TGFBRAP1: variants seen among roughly 807,000 people sequenced by gnomAD.
TGFBRAP1 encodes the protein transforming growth factor beta receptor associated protein 1, also known as transforming growth factor-beta receptor-associated protein 1.
In TGFBRAP1, 20 loss-of-function variants were observed where a neutral mutation model predicts 83.2. The ratio of observed to expected loss-of-function variants is 0.24; its 90% CI spans 0.17 to 0.35. The LOEUF is 0.35. Ranked by LOEUF, TGFBRAP1 falls within the 10% of genes least tolerant of loss-of-function variation. TGFBRAP1 has a pLI of 1.00. For synonymous variants in TGFBRAP1, 415 were observed against 459.8 expected, an observed-to-expected ratio of 0.90 and a Z score of 1.25; for missense variants, 950 against 1,099.4, an observed-to-expected ratio of 0.86 and a Z score of 1.92.
chr2:105,322,517 G>C (rs1573224772), intron 1 of TGFBRAP1, among the ~76,000 whole-genome samples: 2 of 152,066 alleles, frequency 1.3e-5, no homozygotes, highest in East Asian at 3.8e-4. Context: ...CATACAGGTG[G>C]ACCCTTTTTT....
At chr2:105,297,981 A>G (rs1307010465) in intron 3 of TGFBRAP1, among the ~76,000 whole-genome samples, 2 of 152,212 alleles carry the variant, frequency 1.3e-5, no homozygotes, top group African/African-American at 4.8e-5. Flanking sequence ...GGCTCACCAT[A>G]CACACGAAAT....
intron 2 of TGFBRAP1, among the ~76,000 whole-genome samples, chr2:105,303,569 C>T (rs1307656559): frequency 2.0e-5 from 3 of 152,194 alleles, no homozygotes; most frequent in East Asian, 1.9e-4. Flanking sequence ...TTTGCGTCCA[C>T]GAGTTTATAA....
rs1028479130 is a variant in TGFBRAP1, at chr2:105,329,652, G to C, written c.-45C>G. On this transcript the variant is annotated 5_prime_UTR_variant, in exon 1 of 12. Transcript: ENST00000393359. ...GCGCCGGCGCCCGCCGTCCCGCGCC[G>C]CCCCGCGGCCTGGGGCCCCGCCGCC... The C allele has an allele frequency of 6.8e-6, 1 of 146,422 alleles. No homozygotes were observed. Among genetic ancestry groups the C allele is most frequent in the Non-Finnish European group, 1.5e-5 (1 of 65,608 alleles). The allele number at this position is 146,422 out of a possible 1,614,324, so 9.1% of individuals were successfully genotyped here.
At chr2:105,277,923 G>A (rs1677403197) in intron 6 of TGFBRAP1, among the ~76,000 whole-genome samples, 1 of 152,106 alleles carries the variant, frequency 6.6e-6, no homozygotes, top group African/African-American at 2.4e-5. Flanking sequence ...AGCCAGGTGT[G>A]GGGCACACAT....
intron 4 of TGFBRAP1, among the ~76,000 whole-genome samples, chr2:105,288,703 T>C (rs1371626751): frequency 6.6e-6 from 1 of 152,194 alleles, no homozygotes; most frequent in East Asian, 1.9e-4. Flanking sequence ...TAAAAAACCA[T>C]GTAAGTTATT....
At position 105,277,343 on chromosome 2, in the gene TGFBRAP1, T is replaced by C. The variant is rs556732894; in HGVS notation, c.1521+271A>G. Among the ~76,000 whole-genome samples the C allele has an allele frequency of 5.3e-5, 8 of 151,796 alleles. No homozygotes were observed. In the East Asian group the frequency reaches 1.5e-3, roughly 29 times the overall value. On this transcript the variant is annotated intron_variant, in intron 7 of 11. Coordinates refer to ENST00000393359, the MANE Select transcript of TGFBRAP1 (RefSeq NM_004257.6). ...GTAGTGATATATTATGACTTGGAAC[T>C]CTGTGAGATCATATTTTCATTTCTT...
intron 1 of TGFBRAP1, among the ~76,000 whole-genome samples, chr2:105,326,373 T>C (rs571438088): frequency 5.7e-4 from 87 of 152,226 alleles, no homozygotes; most frequent in African/African-American, 2.0e-3. Flanking sequence ...AATATGGCAT[T>C]TACTTCATAA....
chr2:105,281,479 C>T (rs1677535543), intron 5 of TGFBRAP1, among the ~76,000 whole-genome samples: 1 of 152,272 alleles, frequency 6.6e-6, no homozygotes, highest in South Asian at 2.1e-4. Flanking sequence ...ATCCATGCTG[C>T]CTGCGATGTT....
chr2:105,329,529 C>G (rs1679309605), intron 1 of TGFBRAP1, 96 bp downstream of exon 1: 1 of 147,216 alleles, frequency 6.8e-6, no homozygotes, highest in Non-Finnish European at 1.5e-5. Context: ...CACCCCGCCC[C>G]GCCGCCTACC....
At chr2:105,326,834 G>A (rs1220941912) in intron 1 of TGFBRAP1, among the ~76,000 whole-genome samples, 1 of 152,116 alleles carries the variant, frequency 6.6e-6, no homozygotes, top group African/African-American at 2.4e-5. Flanking sequence ...TTTTTCAACA[G>A]CAGTTACTTG....
At chr2:105,292,004 T>C (rs1677932532) in intron 4 of TGFBRAP1, among the ~76,000 whole-genome samples, 1 of 152,202 alleles carries the variant, frequency 6.6e-6, no homozygotes, top group East Asian at 1.9e-4. Flanking sequence ...GAGTGGAGGA[T>C]TTTGTCTCCA....
At chr2:105,298,206 A>G (rs1678147600) in intron 3 of TGFBRAP1, among the ~76,000 whole-genome samples, 1 of 152,152 alleles carries the variant, frequency 6.6e-6, no homozygotes, top group Non-Finnish European at 1.5e-5. Flanking sequence ...ATGCATCCTT[A>G]AAGGTTTGGC....
intron 10 of TGFBRAP1, 149 bp downstream of exon 10, chr2:105,272,706 C>A: frequency 9.4e-7 from 1 of 1,069,200 alleles, no homozygotes; most frequent in Non-Finnish European, 1.3e-6. Flanking sequence ...ACCCTGTCTT[C>A]ATTTAAAAAA....
intron 3 of TGFBRAP1, among the ~76,000 whole-genome samples, chr2:105,297,647 AT>A (rs1349670329): frequency 6.6e-6 from 1 of 152,260 alleles, no homozygotes; most frequent in African/African-American, 2.4e-5. Context: ...GATAAAAGCC[AT>A]TCTTAGGTCA....
intron 5 of TGFBRAP1, among the ~76,000 whole-genome samples, chr2:105,281,379 T>C (rs1042787521): frequency 4.6e-5 from 7 of 152,166 alleles, no homozygotes; most frequent in African/African-American, 1.4e-4. Context: ...CCTGGCCCAG[T>C]GTCAGACCCA....
the TGFBRAP1 span, among the ~76,000 whole-genome samples, chr2:105,255,091 G>A: frequency 6.6e-6 from 1 of 152,190 alleles, no homozygotes; most frequent in Non-Finnish European, 1.5e-5. Flanking sequence ...CTTGTTGTGA[G>A]AAGTATATGA....
downstream of TGFBRAP1, among the ~76,000 whole-genome samples, chr2:105,262,763 G>C (rs946515938): frequency 1.3e-5 from 2 of 152,174 alleles, no homozygotes; most frequent in African/African-American, 4.8e-5. Flanking sequence ...TACGACTCTG[G>C]ACTGCAGGCT....
Position 105,267,309 on chromosome 2 carries a change from T to C in TGFBRAP1, c.*74A>G. The C allele has an allele frequency of 6.4e-7, 1 of 1,570,200 alleles. No homozygotes were observed. Among genetic ancestry groups the C allele is most frequent in the Non-Finnish European group, 8.7e-7 (1 of 1,154,462 alleles). On this transcript the variant is annotated 3_prime_UTR_variant, in exon 12 of 12. Transcript: ENST00000393359. ...TCGTCCTGGCTGACACAGAGCATGG[T>C]GGTCATCTGCTCTTCATGTCCAGCA...
At position 105,281,843 on chromosome 2, in the gene TGFBRAP1, G is replaced by A. The variant is rs1397548731; in HGVS notation, c.1122-1120C>T. On this transcript the variant is annotated intron_variant, in intron 5 of 11. Coordinates refer to ENST00000393359, the MANE Select transcript of TGFBRAP1 (RefSeq NM_004257.6). ...AATTTTGTTCCCTGGGGAACATGTGGCAATGCCTGGAGACAATTTTATCAT... is the reference window on the plus strand; with the variant it reads ...AATTTTGTTCCCTGGGGAACATGTGACAATGCCTGGAGACAATTTTATCAT... Among the ~76,000 whole-genome samples, 3 of 152,008 alleles carry A rather than the reference G, an allele frequency of 2.0e-5. No individual in the cohort carries two copies. In the East Asian group the frequency reaches 5.8e-4, roughly 29 times the overall value.
Sources: allele counts gnomAD v4.1 joint callset (sites outside exome capture counted in the v4.1 genomes callset), GRCh38; gene constraint gnomAD v4.1.1; transcripts MANE v1.5; gene names NCBI Gene and HGNC (gene_info 2026-07-23, HGNC 2026-07-21).